ABCB11: variants seen among roughly 807,000 people sequenced by gnomAD.
ABCB11 encodes the protein bile salt export pump.
Under a neutral mutation model 148.0 loss-of-function variants are expected in ABCB11, and 95 were observed. The ratio of observed to expected loss-of-function variants is 0.64; its 90% CI spans 0.54 to 0.76. The LOEUF (loss-of-function observed/expected upper bound fraction) is 0.76, where lower values mean the gene tolerates loss of function less well. ABCB11 is among the 30% of genes least tolerant of loss of function. ABCB11 has a pLI of 0.00. For missense variants in ABCB11, 1,523 were observed against 1,617.8 expected, an observed-to-expected ratio of 0.94 and a Z score of 1.01; for synonymous variants, 591 against 555.4, an observed-to-expected ratio of 1.06 and a Z score of -0.90.
At chr2:168,978,647 C>G (rs1029506721) in intron 11 of ABCB11, among the ~76,000 whole-genome samples, 3 of 132,186 alleles carry the variant, frequency 2.3e-5, no homozygotes, top group African/African-American at 8.6e-5. Flanking sequence ...GCTTTGGACT[C>G]AGCTCAGGGC....
At chr2:168,997,935 A>G (rs1694764274) in intron 5 of ABCB11, among the ~76,000 whole-genome samples, 1 of 151,986 alleles carries the variant, frequency 6.6e-6, no homozygotes, top group African/African-American at 2.4e-5. Context: ...GACTTTCAAA[A>G]TACTAATTAG....
intron 5 of ABCB11, among the ~76,000 whole-genome samples, chr2:169,012,842 C>G (rs907642949): frequency 2.6e-5 from 4 of 151,648 alleles, no homozygotes; most frequent in Non-Finnish European, 4.4e-5. Context: ...ATTCCCATTA[C>G]AGATGGAAGG....
rs971312927 is a variant in ABCB11, at chr2:168,922,399, G to A, written c.*1223C>T. On this transcript the variant is annotated 3_prime_UTR_variant, in exon 28 of 28. Transcript: ENST00000650372. ...AAGGCAGCCATCCTGCTGCAGGCGGGGCTCTGCAATTCTGTTTCCATACAG... is the reference window on the plus strand; with the variant it reads ...AAGGCAGCCATCCTGCTGCAGGCGGAGCTCTGCAATTCTGTTTCCATACAG... 1.3e-5 allele frequency among the ~76,000 whole-genome samples: 2 copies of A among 152,062 alleles called. No homozygotes were observed. The highest frequency in any genetic ancestry group is 2.9e-5 in the Non-Finnish European group (2 of 68,008).
In ABCB11 at chr2:168,923,451, T is replaced by C; in HGVS notation, c.*171A>G. On this transcript the variant is annotated 3_prime_UTR_variant, in exon 28 of 28. Coordinates refer to ENST00000650372, the MANE Select transcript of ABCB11 (RefSeq NM_003742.4). ...AAGCAGAATTATTATGGAAGGCCAT[T>C]AGAAATTAGCTTGGATTCCGATGTA... 1 of 649,780 alleles carries C rather than the reference T, an allele frequency of 1.5e-6. No homozygotes were observed. The highest frequency in any genetic ancestry group is 2.7e-5 in the East Asian group (1 of 36,684). The allele number at this position is 649,780 out of a possible 1,614,324, so 40.3% of individuals were successfully genotyped here. A position where few individuals can be genotyped will look rare whatever the true frequency, so the allele number is the denominator to read the frequency against.
At chr2:168,973,504 T>C (rs1284249785) in intron 13 of ABCB11, among the ~76,000 whole-genome samples, 2 of 152,064 alleles carry the variant, frequency 1.3e-5, no homozygotes, top group Admixed American at 6.6e-5. Flanking sequence ...GCACATTCAG[T>C]TACATTATAC....
At chr2:168,946,854 T>G (rs1372484786) in intron 19 of ABCB11, among the ~76,000 whole-genome samples, 1 of 151,808 alleles carries the variant, frequency 6.6e-6, no homozygotes, top group Non-Finnish European at 1.5e-5. Flanking sequence ...TTTTAGCTTT[T>G]TGTATTACTT....
downstream of ABCB11, among the ~76,000 whole-genome samples, chr2:168,920,117 C>T (rs890001093): frequency 2.0e-5 from 3 of 152,118 alleles, no homozygotes; most frequent in South Asian, 2.1e-4. Flanking sequence ...CCTCTTGCCT[C>T]GGCCTCCTAA....
intron 5 of ABCB11, among the ~76,000 whole-genome samples, chr2:169,008,239 G>A (rs1314844231): frequency 3.3e-5 from 5 of 152,176 alleles, no homozygotes; most frequent in Non-Finnish European, 4.4e-5. Flanking sequence ...TTCGCTGGGT[G>A]GAAATCAAGG....
intron 1 of ABCB11, among the ~76,000 whole-genome samples, chr2:169,028,789 T>C (rs747568046): frequency 2.0e-5 from 3 of 152,130 alleles, no homozygotes; most frequent in Admixed American, 1.3e-4. Context: ...TTGAGAAGAA[T>C]AGAGATCCCA....
chr2:168,926,077 T>A (rs1448604390), intron 26 of ABCB11, among the ~76,000 whole-genome samples: 1 of 152,154 alleles, frequency 6.6e-6, no homozygotes, highest in African/African-American at 2.4e-5. Flanking sequence ...ATAAACATAA[T>A]CACTTATAAA....
chr2:168,998,567 T>G (rs1694785326), intron 5 of ABCB11, among the ~76,000 whole-genome samples: 1 of 151,326 alleles, frequency 6.6e-6, no homozygotes, highest in South Asian at 2.1e-4. Context: ...CCCATAAATA[T>G]GTATACTTAT....
chr2:169,005,864 A>C (rs1695003297), intron 5 of ABCB11, among the ~76,000 whole-genome samples: 1 of 152,234 alleles, frequency 6.6e-6, no homozygotes, highest in African/African-American at 2.4e-5. Flanking sequence ...TTAAAGACAT[A>C]GAAAATCTGA....
At chr2:169,017,574 C>T (rs1316065744) in intron 2 of ABCB11, among the ~76,000 whole-genome samples, 11 of 152,140 alleles carry the variant, frequency 7.2e-5, no homozygotes, top group Admixed American at 7.2e-4. Flanking sequence ...GTTTTGTCAT[C>T]TGTAAAATGT....
At chr2:168,988,105 A>T (rs539373010) in intron 9 of ABCB11, among the ~76,000 whole-genome samples, 66 of 152,282 alleles carry the variant, frequency 4.3e-4, no homozygotes, top group African/African-American at 1.5e-3. Flanking sequence ...TTGACTTTAT[A>T]AACTGCCTCT....
intron 18 of ABCB11, among the ~76,000 whole-genome samples, chr2:168,961,122 T>G (rs1187492731): frequency 6.6e-6 from 1 of 151,736 alleles, no homozygotes; most frequent in Non-Finnish European, 1.5e-5. Context: ...AATGAAACTT[T>G]TATGTCCATG....
At chr2:168,994,003 G>T in intron 7 of ABCB11, 121 bp from the exon 8 acceptor site, 2 of 807,488 alleles carry the variant, frequency 2.5e-6, no homozygotes, top group Non-Finnish European at 3.8e-6. Context: ...CCCTTGGATA[G>T]CATTAACAGC....
intron 3 of ABCB11, among the ~76,000 whole-genome samples, chr2:169,014,780 T>C (rs555228190): frequency 6.6e-6 from 1 of 152,296 alleles, no homozygotes; most frequent in Admixed American, 6.5e-5. Flanking sequence ...TTAAATAATG[T>C]TGATAATGAT....
In ABCB11 at chr2:168,915,672, C is replaced by CA. The variant is rs1051829339; in HGVS notation, c.236dup (p.Cys80LeufsTer2). ...TGTGTGGCTTTTGTCCAAGTGATCA[C>CA]AGCATGGCTGCTGTGCATTCAGGAA... On this transcript the variant is annotated frameshift_variant, in exon 3 of 3. Coordinates refer to the ABCB11 transcript ENST00000648875. LOFTEE classifies it low-confidence loss of function (END_TRUNC). Among the ~76,000 whole-genome samples the CA allele has an allele frequency of 6.6e-6, 1 of 152,210 alleles. No individual in the cohort carries two copies. Among genetic ancestry groups the CA allele is most frequent in the Non-Finnish European group, 1.5e-5 (1 of 68,046 alleles).
chr2:168,943,229 A>G (rs891113011), intron 21 of ABCB11, among the ~76,000 whole-genome samples: 1 of 152,006 alleles, frequency 6.6e-6, no homozygotes, highest in South Asian at 2.1e-4. Context: ...TTCAAGAGTA[A>G]AGGGAGTAGA....
Sources: gnomAD v4.1 joint callset for allele counts (sites outside exome capture counted in the v4.1 genomes callset) on GRCh38, gnomAD v4.1.1 for gene constraint, MANE v1.5 for transcripts, NCBI Gene and HGNC (gene_info 2026-07-23, HGNC 2026-07-21) for gene names.